The following TMTC4 variants were observed in gnomAD, a reference collection of about 807,000 sequenced individuals.
TMTC4 encodes protein O-mannosyl-transferase TMTC4.
TMTC4 carries 65 observed loss-of-function variants against 86.0 expected under a neutral mutation model. That is an observed-to-expected ratio of 0.76 (90% CI 0.62 to 0.93). TMTC4 has a LOEUF of 0.93. TMTC4 is among the 40% of genes least tolerant of loss of function. The pLI, the probability that TMTC4 is intolerant of heterozygous loss-of-function variation, is 0.00. For synonymous variants in TMTC4, 379 were observed against 382.5 expected (o/e 0.99, Z 0.11); for missense variants, 866 against 948.1 (o/e 0.91, Z 1.14).
intron 5 of TMTC4, among the ~76,000 whole-genome samples, chr13:100,658,728 T>C (rs1160316217): frequency 6.6e-6 from 1 of 152,224 alleles, no homozygotes; most frequent in Non-Finnish European, 1.5e-5. Context: ...TTTACAGAAA[T>C]GTTTCTTTCT....
At chr13:100,632,045 ACACACACACT>A (rs1314675726) in intron 12 of TMTC4, among the ~76,000 whole-genome samples, 7 of 65,106 alleles carry the variant, frequency 1.1e-4, no homozygotes, top group African/African-American at 1.8e-4. Context: ...ACACACACAC[ACACACACACT>A]CTCTCTCTCT....
chr13:100,673,924 T>G, intron 1 of TMTC4: 14 of 590,412 alleles, frequency 2.4e-5, no homozygotes, highest in East Asian at 1.4e-4. Context: ...TCCCCATGCA[T>G]TTATTTGCTC....
At chr13:100,620,206 A>C (rs1399931924) in intron 15 of TMTC4, among the ~76,000 whole-genome samples, 1 of 152,198 alleles carries the variant, frequency 6.6e-6, no homozygotes, top group African/African-American at 2.4e-5. Flanking sequence ...GTCTGCAACT[A>C]CATTTCCCAG....
chr13:100,673,456 G>A (rs988188431), intron 1 of TMTC4, among the ~76,000 whole-genome samples: 2 of 152,174 alleles, frequency 1.3e-5, no homozygotes, highest in Non-Finnish European at 2.9e-5. Context: ...TCCTATGCAC[G>A]CTGAGAGGTG....
At chr13:100,636,220 A>ACT (rs1882184994) in intron 10 of TMTC4, among the ~76,000 whole-genome samples, 1 of 151,938 alleles carries the variant, frequency 6.6e-6, no homozygotes, top group Admixed American at 6.6e-5. Context: ...CATCAATTAC[A>ACT]CTCTCTGTTC....
intron 7 of TMTC4, 27 bp from the exon 8 acceptor site, chr13:100,638,049 C>G (rs749230366): frequency 3.8e-6 from 6 of 1,594,088 alleles, no homozygotes; most frequent in East Asian, 2.2e-5. Flanking sequence ...AGACAATCAG[C>G]CACGGGAGAG....
intron 9 of TMTC4, 138 bp downstream of exon 9, chr13:100,637,400 G>T: frequency 4.3e-6 from 5 of 1,173,352 alleles, no homozygotes; most frequent in South Asian, 3.3e-5. Flanking sequence ...TTTAGTGATC[G>T]CAAGCAAACA....
chr13:100,627,591 G>C (rs1197318761), intron 12 of TMTC4, among the ~76,000 whole-genome samples: 1 of 152,096 alleles, frequency 6.6e-6, no homozygotes, highest in Non-Finnish European at 1.5e-5. Flanking sequence ...TGTCTTAAAA[G>C]GACACCAGTC....
chr13:100,668,876 G>T, intron 2 of TMTC4, 82 bp from the exon 3 acceptor site: 1 of 1,338,418 alleles, frequency 7.5e-7, no homozygotes, highest in Non-Finnish European at 1.0e-6. Context: ...GTAAGAGCTA[G>T]ATAGTCATTT....
chr13:100,666,069 T>C (rs1886359292), intron 3 of TMTC4: 2 of 456,488 alleles, frequency 4.4e-6, no homozygotes, highest in Admixed American at 2.4e-5. Flanking sequence ...AACGAGGTTC[T>C]AAATATTTGA....
At chr13:100,643,998 A>G (rs1668005526) in intron 6 of TMTC4, among the ~76,000 whole-genome samples, 1 of 152,044 alleles carries the variant, frequency 6.6e-6, no homozygotes, top group Non-Finnish European at 1.5e-5. Context: ...ATAGAAAAAT[A>G]CTTGTGAATA....
chr13:100,617,478 T>C lies in TMTC4; in HGVS notation c.1837-3048A>G, dbSNP rs947264306. ...AGTTTGAGGTCTTGCATTTAAATTTTTAATCTATCTTGAGTTAATGTTTGT... is the reference window on the plus strand; with the variant it reads ...AGTTTGAGGTCTTGCATTTAAATTTCTAATCTATCTTGAGTTAATGTTTGT... On this transcript the variant is annotated intron_variant, in intron 15 of 18. Transcript: ENST00000342624. Among the ~76,000 whole-genome samples the C allele has an allele frequency of 5.3e-5, 8 of 152,344 alleles. No homozygotes were observed. The East Asian group carries it at 9.6e-4, about 18-fold the overall frequency.
chr13:100,658,948 CTGTT>C (rs936141799), intron 5 of TMTC4, among the ~76,000 whole-genome samples: 6 of 152,324 alleles, frequency 3.9e-5, no homozygotes, highest in African/African-American at 1.2e-4. Flanking sequence ...TATCCAATCA[CTGTT>C]TGAGAATGTA....
intron 3 of TMTC4, chr13:100,665,964 C>T (rs765058263): frequency 2.2e-6 from 1 of 454,276 alleles, no homozygotes; most frequent in South Asian, 1.6e-5. Flanking sequence ...AGCCTGGAAG[C>T]CTACCTTCTT....
intron 17 of TMTC4, among the ~76,000 whole-genome samples, chr13:100,609,450 A>G (rs917966073): frequency 2.4e-4 from 36 of 152,184 alleles, no homozygotes; most frequent in African/African-American, 7.7e-4. Context: ...TGACTCTATC[A>G]ACATAACCTG....
At chr13:100,672,684 GT>G (rs1431870928) in intron 1 of TMTC4, among the ~76,000 whole-genome samples, 1 of 152,114 alleles carries the variant, frequency 6.6e-6, no homozygotes, top group Non-Finnish European at 1.5e-5. Flanking sequence ...TAGAGACAGG[GT>G]CTCACTATGT....
At chr13:100,637,292 G>A (rs574816079) in intron 9 of TMTC4, among the ~76,000 whole-genome samples, 1 of 152,102 alleles carries the variant, frequency 6.6e-6, no homozygotes, top group Non-Finnish European at 1.5e-5. Context: ...ATGTGAGAAG[G>A]AACCACCCTC....
At chr13:100,635,396 C>A (rs573540557) in intron 10 of TMTC4, among the ~76,000 whole-genome samples, 3 of 152,124 alleles carry the variant, frequency 2.0e-5, no homozygotes, top group Admixed American at 6.6e-5. Flanking sequence ...AAATATTCCT[C>A]TGGCACTTCA....
chr13:100,645,058 C>T (rs889078827), intron 6 of TMTC4, among the ~76,000 whole-genome samples: 3 of 152,044 alleles, frequency 2.0e-5, no homozygotes, highest in Non-Finnish European at 4.4e-5. Context: ...GTGATCCACC[C>T]GCCTCGGCCT....
Sources: gnomAD v4.1 joint callset for allele counts (sites outside exome capture counted in the v4.1 genomes callset) on GRCh38, gnomAD v4.1.1 for gene constraint, MANE v1.5 for transcripts, NCBI Gene and HGNC (gene_info 2026-07-23, HGNC 2026-07-21) for gene names.